CDK19: variants seen among roughly 807,000 people sequenced by gnomAD.
CDK19 encodes the protein cyclin-dependent kinase 19.
In CDK19, 20 loss-of-function variants were observed where a neutral mutation model predicts 68.3. That is an observed-to-expected ratio of 0.29 (90% confidence interval 0.21 to 0.43). The LOEUF (loss-of-function observed/expected upper bound fraction) is 0.43. Among genes scored for constraint, CDK19 ranks in the 20% least tolerant of loss-of-function variants. The probability of loss-of-function intolerance (pLI) is 1.00; values close to 1 mark genes in which losing one functional copy is unlikely to be tolerated. For synonymous variants in CDK19, 221 were observed against 222.8 expected (o/e 0.99, Z 0.07); for missense variants, 339 against 623.5 (o/e 0.54, Z 4.86).
Position 110,611,196 on chromosome 6 carries a change from T to A in CDK19, c.*3339A>T, listed in dbSNP as rs972472787. ...CTCATCTGTCCTGCAACACTTGAATTCCTTTCACAAACACACACCTCCCCA... is the reference window on the plus strand; with the variant it reads ...CTCATCTGTCCTGCAACACTTGAATACCTTTCACAAACACACACCTCCCCA... On this transcript the variant is annotated 3_prime_UTR_variant, in exon 13 of 13. Coordinates refer to ENST00000368911, the MANE Select transcript of CDK19 (RefSeq NM_015076.5). The A allele has an allele frequency of 2.0e-5, 3 of 152,264 alleles. No homozygotes were observed. The highest frequency in any genetic ancestry group is 7.2e-5 in the African/African-American group (3 of 41,462). 9.4% of individuals were successfully genotyped at this position (152,264 alleles called of 1,614,324 possible).
intron 1 of CDK19, among the ~76,000 whole-genome samples, chr6:110,759,227 C>G (rs1489679224): frequency 6.7e-6 from 1 of 149,786 alleles, no homozygotes; most frequent in Non-Finnish European, 1.5e-5. Flanking sequence ...GGTGAAACCC[C>G]ATCTCTACTA....
At chr6:110,786,320 T>A (rs569812682) in intron 1 of CDK19, among the ~76,000 whole-genome samples, 1 of 152,320 alleles carries the variant, frequency 6.6e-6, no homozygotes, top group East Asian at 1.9e-4. Flanking sequence ...AGGTCTTTAA[T>A]TCTCTCGGAT....
chr6:110,659,413 T>G (rs1475856342), intron 4 of CDK19, among the ~76,000 whole-genome samples: 1 of 152,252 alleles, frequency 6.6e-6, no homozygotes, highest in East Asian at 1.9e-4. Context: ...GCTAAAGGTC[T>G]TTTTCATGTT....
At chr6:110,654,640 C>T (rs1781184559) in intron 4 of CDK19, among the ~76,000 whole-genome samples, 1 of 152,136 alleles carries the variant, frequency 6.6e-6, no homozygotes, top group African/African-American at 2.4e-5. Context: ...GAGGCAAGTT[C>T]CCAATTTGAA....
chr6:110,649,049 T>A (rs1780805284), intron 4 of CDK19, among the ~76,000 whole-genome samples: 1 of 151,876 alleles, frequency 6.6e-6, no homozygotes, highest in Non-Finnish European at 1.5e-5. Context: ...AAGTCTTAAA[T>A]AAATTAACCC....
In CDK19 at chr6:110,670,219, T is replaced by C. The variant is rs555398919; in HGVS notation, c.315+212A>G. 5.6e-5 allele frequency among the ~76,000 whole-genome samples: 8 copies of C among 143,542 alleles called. 1 individual carries two copies. In the South Asian group the frequency reaches 8.3e-4, roughly 15 times the overall value. 94.2% of individuals were successfully genotyped at this position (143,542 alleles called of 152,430 possible). On this transcript the variant is annotated intron_variant, in intron 3 of 12. Transcript: ENST00000368911. ...CCCATTCATTAAAATCTTTCTGAAG[T>C]AAAATTTCTAAATATTACAAATACT...
intron 1 of CDK19, among the ~76,000 whole-genome samples, chr6:110,770,850 CA>C (rs1474436198): frequency 1.3e-5 from 2 of 152,160 alleles, no homozygotes; most frequent in Non-Finnish European, 2.9e-5. Flanking sequence ...CTGGCCAAAA[CA>C]AACGGGTTAC....
intron 8 of CDK19, among the ~76,000 whole-genome samples, chr6:110,625,093 G>A (rs966164549): frequency 1.3e-5 from 2 of 152,058 alleles, no homozygotes; most frequent in Non-Finnish European, 2.9e-5. Context: ...CAGGTCAAAG[G>A]GCATACATAT....
intron 10 of CDK19, 151 bp downstream of exon 10, chr6:110,622,663 GT>G: frequency 1.7e-6 from 1 of 603,406 alleles, no homozygotes; most frequent in Non-Finnish European, 3.0e-6. Flanking sequence ...AGCTTTGCCT[GT>G]TTCAAAATGT....
chr6:110,736,452 A>T (rs975835827), intron 2 of CDK19, among the ~76,000 whole-genome samples: 2 of 152,156 alleles, frequency 1.3e-5, no homozygotes, highest in Non-Finnish European at 2.9e-5. Context: ...TCCAGATACA[A>T]CCCCAAGTCT....
rs560509271 is a variant in CDK19, at chr6:110,668,249, C to T, written c.316-675G>A. 5.1e-4 allele frequency among the ~76,000 whole-genome samples: 77 copies of T among 152,242 alleles called. 1 individual carries two copies. The highest frequency in any genetic ancestry group is 8.3e-4 in the South Asian group (4 of 4,818). ...CTCCCACCTCCACCTCCATCCCTAC[C>T]CCACCCCTGCCTCTGTCCAAAACAT... On this transcript the variant is annotated intron_variant, in intron 3 of 12. Coordinates refer to ENST00000368911, the MANE Select transcript of CDK19 (RefSeq NM_015076.5).
intron 4 of CDK19, chr6:110,643,046 C>A: frequency 2.7e-6 from 1 of 376,504 alleles, no homozygotes; most frequent in Non-Finnish European, 4.7e-6. Context: ...TGCACTTCAG[C>A]AAGGACACTG....
chr6:110,631,333 G>A (rs911772808), intron 6 of CDK19, among the ~76,000 whole-genome samples: 1 of 152,124 alleles, frequency 6.6e-6, no homozygotes, highest in Non-Finnish European at 1.5e-5. Flanking sequence ...TTTGAGGAGG[G>A]CCAGCTCCTA....
chr6:110,761,312 T>C (rs964596898), intron 1 of CDK19, among the ~76,000 whole-genome samples: 3 of 152,094 alleles, frequency 2.0e-5, no homozygotes, highest in Non-Finnish European at 4.4e-5. Context: ...TAAGAGGCCT[T>C]TGCAAATAAT....
chr6:110,691,337 G>C (rs1163815312), intron 2 of CDK19, among the ~76,000 whole-genome samples: 1 of 152,046 alleles, frequency 6.6e-6, no homozygotes, highest in African/African-American at 2.4e-5. Context: ...AGCCGGGTGT[G>C]GTGGCAGGCA....
At chr6:110,679,681 TG>T (rs1771846321) in intron 2 of CDK19, among the ~76,000 whole-genome samples, 1 of 152,208 alleles carries the variant, frequency 6.6e-6, no homozygotes, top group African/African-American at 2.4e-5. Context: ...ATCTTATACC[TG>T]TATAACAGTC....
intron 2 of CDK19, among the ~76,000 whole-genome samples, chr6:110,679,178 T>C (rs1449518993): frequency 6.6e-6 from 1 of 151,966 alleles, no homozygotes; most frequent in Non-Finnish European, 1.5e-5. Flanking sequence ...TATCCAGGCA[T>C]GGTGGTGCAG....
chr6:110,796,815 C>A (rs1583123756), intron 1 of CDK19, among the ~76,000 whole-genome samples: 1 of 150,194 alleles, frequency 6.7e-6, no homozygotes, highest in African/African-American at 2.5e-5. Context: ...CGAGACCAGC[C>A]TGGCCAACAT....
intron 2 of CDK19, among the ~76,000 whole-genome samples, chr6:110,703,556 C>A (rs1361226410): frequency 6.6e-6 from 1 of 152,062 alleles, no homozygotes; most frequent in East Asian, 1.9e-4. Context: ...AAAAAATGAA[C>A]CTGCCAGGCA....
Sources: gnomAD v4.1 joint callset for allele counts (sites outside exome capture counted in the v4.1 genomes callset) on GRCh38, gnomAD v4.1.1 for gene constraint, MANE v1.5 for transcripts, NCBI Gene and HGNC (gene_info 2026-07-23, HGNC 2026-07-21) for gene names.